The following ENOX1 variants were observed in gnomAD, a reference collection of about 807,000 sequenced individuals.
ENOX1 encodes the protein ecto-NOX disulfide-thiol exchanger 1.
In ENOX1, 42 loss-of-function variants were observed where a neutral mutation model predicts 82.5. The observed-to-expected ratio is 0.51, with a 90% CI of 0.40 to 0.66. The LOEUF (loss-of-function observed/expected upper bound fraction) is 0.66. Ranked by LOEUF, ENOX1 falls within the 30% of genes least tolerant of loss-of-function variation. The probability of loss-of-function intolerance (pLI) is 0.00; values close to 1 mark genes in which losing one functional copy is unlikely to be tolerated. For synonymous variants in ENOX1, 271 were observed against 282.2 expected, an observed-to-expected ratio of 0.96 and a Z score of 0.40; for missense variants, 608 against 811.6, an observed-to-expected ratio of 0.75 and a Z score of 3.05.
At chr13:43,492,155 G>C (rs1474646186) in intron 2 of ENOX1, among the ~76,000 whole-genome samples, 1 of 152,172 alleles carries the variant, frequency 6.6e-6, no homozygotes, top group South Asian at 2.1e-4. Context: ...ATCTTTCCAA[G>C]ACAACAGCCA....
intron 16 of ENOX1, among the ~76,000 whole-genome samples, chr13:43,218,425 G>A (rs1004352207): frequency 3.3e-5 from 5 of 152,128 alleles, no homozygotes; most frequent in Non-Finnish European, 7.4e-5. Flanking sequence ...CCAGGAGTTT[G>A]AGACCAGCCT....
At chr13:43,597,762 C>T (rs2081531851) in intron 2 of ENOX1, among the ~76,000 whole-genome samples, 1 of 152,192 alleles carries the variant, frequency 6.6e-6, no homozygotes, top group African/African-American at 2.4e-5. Context: ...GCCTGCAGGG[C>T]CCTATACAAT....
chr13:43,383,037 C>T (rs532305156), intron 5 of ENOX1, among the ~76,000 whole-genome samples: 2 of 152,198 alleles, frequency 1.3e-5, no homozygotes, highest in East Asian at 1.9e-4. Context: ...CAGTTATATG[C>T]CAATTCTATA....
At chr13:43,391,370 C>T (rs2052763810) in intron 5 of ENOX1, among the ~76,000 whole-genome samples, 1 of 152,116 alleles carries the variant, frequency 6.6e-6, no homozygotes, top group African/African-American at 2.4e-5. Flanking sequence ...CCCATGGTGC[C>T]AGTCATGCTG....
At chr13:43,669,742 A>G (rs1421609582) in intron 1 of ENOX1, among the ~76,000 whole-genome samples, 2 of 151,920 alleles carry the variant, frequency 1.3e-5, no homozygotes, top group African/African-American at 4.8e-5. Flanking sequence ...AAATTGCTCG[A>G]CTCCTAGACT....
chr13:43,660,794 A>G (rs1201295181), intron 2 of ENOX1, among the ~76,000 whole-genome samples: 1 of 152,212 alleles, frequency 6.6e-6, no homozygotes, highest in Non-Finnish European at 1.5e-5. Flanking sequence ...AGTGTTACAG[A>G]CATTTCTTCT....
At chr13:43,444,427 G>T (rs1412117714) in intron 3 of ENOX1, among the ~76,000 whole-genome samples, 1 of 152,204 alleles carries the variant, frequency 6.6e-6, no homozygotes, top group Non-Finnish European at 1.5e-5. Context: ...GAGTAGAAAA[G>T]CAAGGTCCCC....
intron 15 of ENOX1, among the ~76,000 whole-genome samples, chr13:43,232,093 C>CTTTTTTTT (rs33932346): frequency 9.1e-6 from 1 of 109,554 alleles, no homozygotes; most frequent in Non-Finnish European, 1.7e-5. Context: ...GCCCAGCTAA[C>CTTTTTTTT]TTTTTTTTTT....
intron 1 of ENOX1, among the ~76,000 whole-genome samples, chr13:43,756,921 A>T (rs1194864483): frequency 2.1e-5 from 3 of 141,438 alleles, no homozygotes; most frequent in Non-Finnish European, 4.5e-5. Context: ...CCAGGGTTCC[A>T]ACCCTGGACA....
Position 43,627,687 on chromosome 13 carries a change from A to C in ENOX1, c.-219+39792T>G, listed in dbSNP as rs368467321. Among the ~76,000 whole-genome samples the C allele has an allele frequency of 3.3e-4, 50 of 152,218 alleles. No homozygotes were observed. In the East Asian group the frequency reaches 9.4e-3, roughly 29 times the overall value. ...AAGCTTAATGTTTACCCATGTTTAC[A>C]CATGCTTTTGTTTACTGTGTTCTTT... is the stretch of plus-strand genomic sequence containing the variant. On this transcript the variant is annotated intron_variant, in intron 2 of 16. Transcript: ENST00000690772.
At chr13:43,434,937 G>GTTTGTTTTTTTTTTT (rs1555273075) in intron 3 of ENOX1, among the ~76,000 whole-genome samples, 1 of 75,884 alleles carries the variant, frequency 1.3e-5, no homozygotes, top group Non-Finnish European at 2.5e-5. Flanking sequence ...TGTGTGTGTG[G>GTTTGTTTTTTTTTTT]TTTTTTTTTT....
At chr13:43,359,557 A>G (rs2050365985) in intron 7 of ENOX1, among the ~76,000 whole-genome samples, 1 of 152,246 alleles carries the variant, frequency 6.6e-6, no homozygotes. Context: ...AGTAAGAATA[A>G]TGGTCCTTAG....
At chr13:43,660,553 C>T (rs2084668052) in intron 2 of ENOX1, among the ~76,000 whole-genome samples, 1 of 152,134 alleles carries the variant, frequency 6.6e-6, no homozygotes, top group Non-Finnish European at 1.5e-5. Context: ...CTCTTATAAA[C>T]TAGTATATCA....
intron 12 of ENOX1, among the ~76,000 whole-genome samples, chr13:43,276,865 C>T (rs766258879): frequency 2.6e-5 from 4 of 152,160 alleles, no homozygotes; most frequent in African/African-American, 4.8e-5. Context: ...CTTGAATTTT[C>T]TTGTTACATG....
At chr13:43,418,317 C>T (rs1405651693) in intron 3 of ENOX1, among the ~76,000 whole-genome samples, 1 of 152,226 alleles carries the variant, frequency 6.6e-6, no homozygotes, top group African/African-American at 2.4e-5. Context: ...CACCTGAGGT[C>T]AGGTGTTCGA....
intron 13 of ENOX1, among the ~76,000 whole-genome samples, chr13:43,266,495 T>C (rs1056972479): frequency 6.6e-6 from 1 of 152,096 alleles, no homozygotes; most frequent in Non-Finnish European, 1.5e-5. Context: ...AATGGTAACA[T>C]GAAGAAATTG....
chr13:43,616,103 G>GATATCTATATAT (rs1273609788), intron 2 of ENOX1, among the ~76,000 whole-genome samples: 1 of 7,914 alleles, frequency 1.3e-4, no homozygotes, highest in African/African-American at 2.4e-4. Context: ...TATCTATATA[G>GATATCTATATAT]ATAGATATCT....
chr13:43,287,363 A>G (rs922495685), intron 12 of ENOX1, among the ~76,000 whole-genome samples: 3 of 152,206 alleles, frequency 2.0e-5, no homozygotes, highest in Non-Finnish European at 2.9e-5. Flanking sequence ...CACCTGGAAT[A>G]TGGCAATGAC....
intron 3 of ENOX1, among the ~76,000 whole-genome samples, chr13:43,414,871 C>T (rs906998083): frequency 1.3e-5 from 2 of 152,188 alleles, no homozygotes; most frequent in African/African-American, 4.8e-5. Context: ...ACTTTGTAGG[C>T]TCATGACTTG....
Sources: allele counts gnomAD v4.1 joint callset (sites outside exome capture counted in the v4.1 genomes callset), GRCh38; gene constraint gnomAD v4.1.1; transcripts MANE v1.5; gene names NCBI Gene and HGNC (gene_info 2026-07-23, HGNC 2026-07-21).